Variants in MTUS2 observed in about 807,000 individuals in gnomAD.
The protein encoded by MTUS2 is microtubule-associated tumor suppressor candidate 2.
In MTUS2, 40 loss-of-function variants were observed where a neutral mutation model predicts 114.1. The observed-to-expected ratio is 0.35, with a 90% confidence interval of 0.27 to 0.46. The LOEUF (loss-of-function observed/expected upper bound fraction) is 0.46, where lower values mean the gene tolerates loss of function less well. Ranked by LOEUF, MTUS2 falls within the 20% of genes least tolerant of loss-of-function variation. MTUS2 has a pLI of 1.00. For missense variants in MTUS2, 1,679 were observed against 1,705.4 expected (o/e 0.98, Z 0.27); for synonymous variants, 688 against 672.0 (o/e 1.02, Z -0.37).
intron 5 of MTUS2, among the ~76,000 whole-genome samples, chr13:29,201,499 C>T (rs1894957809): frequency 1.3e-5 from 2 of 152,032 alleles, no homozygotes; most frequent in South Asian, 4.2e-4. Context: ...GGCATTTAGC[C>T]CATTTACATT....
chr13:29,272,563 A>G (rs1025523288), intron 5 of MTUS2, among the ~76,000 whole-genome samples: 1 of 152,188 alleles, frequency 6.6e-6, no homozygotes, highest in Admixed American at 6.5e-5. Flanking sequence ...AGTGCACTGA[A>G]TATGGATCAG....
chr13:29,142,855 G>A (rs1246813055), intron 5 of MTUS2, among the ~76,000 whole-genome samples: 1 of 152,224 alleles, frequency 6.6e-6, no homozygotes, highest in African/African-American at 2.4e-5. Flanking sequence ...CATAAGCCAA[G>A]AGGGCATGTT....
chr13:29,046,081 C>G (rs551734069), intron 4 of MTUS2, among the ~76,000 whole-genome samples: 3 of 151,722 alleles, frequency 2.0e-5, no homozygotes, highest in Non-Finnish European at 4.4e-5. Flanking sequence ...CACTATTCTA[C>G]TACAAAGGCC....
intron 2 of MTUS2, among the ~76,000 whole-genome samples, chr13:29,018,564 C>T (rs541357050): frequency 1.3e-5 from 2 of 152,332 alleles, no homozygotes; most frequent in African/African-American, 4.8e-5. Flanking sequence ...CACCTGTGGT[C>T]AGCCTGGCCA....
intron 5 of MTUS2, among the ~76,000 whole-genome samples, chr13:29,228,650 A>G (rs553292276): frequency 6.6e-6 from 1 of 152,270 alleles, no homozygotes; most frequent in East Asian, 1.9e-4. Context: ...TTTGTAACTA[A>G]TATTAGCATG....
At chr13:29,337,605 AT>A (rs200669729) in intron 7 of MTUS2, among the ~76,000 whole-genome samples, 4,834 of 144,904 alleles carry the variant, frequency 0.033, 271 homozygotes, top group African/African-American at 0.12. Context: ...TTATTTTTCT[AT>A]TTTTTTTTTT....
In MTUS2 at chr13:28,903,924, G is replaced by C. The variant is rs1450520985; in HGVS notation, c.-243+64074G>C. 3.0e-4 allele frequency among the ~76,000 whole-genome samples: 46 copies of C among 152,138 alleles called. 1 individual carries two copies. In the East Asian group the frequency reaches 7.7e-3, roughly 26 times the overall value. On this transcript the variant is annotated intron_variant, in intron 2 of 15. Coordinates refer to ENST00000612955, the MANE Select transcript of MTUS2 (RefSeq NM_001033602.4). ...TTCTCCACATCCTCTCCAACACCTG[G>C]TGTTTCCTGACTTTTTAATGATCAC...
At chr13:29,078,229 G>C (rs1039781644) in intron 4 of MTUS2, among the ~76,000 whole-genome samples, 4 of 152,060 alleles carry the variant, frequency 2.6e-5, no homozygotes, top group African/African-American at 9.7e-5. Flanking sequence ...TTAGCTTCTG[G>C]ATTTATTTAA....
chr13:29,063,841 A>G (rs1031086001), intron 4 of MTUS2, among the ~76,000 whole-genome samples: 3 of 152,246 alleles, frequency 2.0e-5, no homozygotes, highest in Non-Finnish European at 4.4e-5. Flanking sequence ...AGCAAAGCAT[A>G]TGGTAGTTCT....
At chr13:28,894,326 GA>G (rs1179575206) in intron 2 of MTUS2, among the ~76,000 whole-genome samples, 3 of 62,996 alleles carry the variant, frequency 4.8e-5, no homozygotes, top group South Asian at 8.4e-4. Context: ...GGGAGGGAGG[GA>G]GGGAGAGAGA....
intron 2 of MTUS2, among the ~76,000 whole-genome samples, chr13:28,869,962 C>A (rs772635992): frequency 6.6e-6 from 1 of 151,950 alleles, no homozygotes. Context: ...GTATAAAATT[C>A]TTTTATATGC....
intron 7 of MTUS2, among the ~76,000 whole-genome samples, chr13:29,341,768 G>A (rs1166258087): frequency 5.3e-5 from 8 of 151,946 alleles, no homozygotes; most frequent in African/African-American, 1.4e-4. Context: ...GAATTTTTAT[G>A]GTTTCTTTAA....
At chr13:29,097,607 A>G (rs1007943781) in intron 4 of MTUS2, among the ~76,000 whole-genome samples, 17 of 152,226 alleles carry the variant, frequency 1.1e-4, no homozygotes, top group Non-Finnish European at 2.2e-4. Context: ...TAGACAGTGT[A>G]GCGTATAAAA....
Position 29,471,748 on chromosome 13 carries a change from C to G in MTUS2, c.3185-8402C>G, listed in dbSNP as rs531152679. ...CCTCTGCTCTGCAGGCCCAGCCCCC[C>G]CCGACACATTGATCTTAGGTCACTT... On this transcript the variant is annotated intron_variant, in intron 9 of 15. Coordinates refer to ENST00000612955, the MANE Select transcript of MTUS2 (RefSeq NM_001033602.4). Among the ~76,000 whole-genome samples, 18 of 150,206 alleles carry G rather than the reference C, an allele frequency of 1.2e-4. No homozygotes were observed. In the South Asian group the frequency reaches 1.3e-3, roughly 11 times the overall value.
chr13:29,009,982 C>T (rs866468145), intron 2 of MTUS2, among the ~76,000 whole-genome samples: 7 of 152,082 alleles, frequency 4.6e-5, no homozygotes, highest in Middle Eastern at 3.4e-3. Context: ...GAGGCTGAGG[C>T]GGACAGATCA....
chr13:28,873,089 TATC>T (rs1356992274), intron 2 of MTUS2, among the ~76,000 whole-genome samples: 3 of 152,194 alleles, frequency 2.0e-5, no homozygotes, highest in Middle Eastern at 3.4e-3. Flanking sequence ...CCAATGAAAA[TATC>T]ATTCAAGGAT....
At chr13:28,974,040 C>T (rs906033440) in intron 2 of MTUS2, among the ~76,000 whole-genome samples, 6 of 151,872 alleles carry the variant, frequency 4.0e-5, no homozygotes, top group South Asian at 2.1e-4. Flanking sequence ...CTCCTTCAGA[C>T]GTATATTCTC....
At chr13:29,439,959 C>T (rs1181595659) in intron 8 of MTUS2, 24 bp from the exon 9 acceptor site, 7 of 1,557,046 alleles carry the variant, frequency 4.5e-6, no homozygotes, top group Non-Finnish European at 2.6e-6. Context: ...AGGGGACTCT[C>T]GGTATCCGTT....
intron 5 of MTUS2, among the ~76,000 whole-genome samples, chr13:29,134,126 T>A (rs1891876509): frequency 1.3e-5 from 2 of 152,346 alleles, no homozygotes; most frequent in South Asian, 4.1e-4. Flanking sequence ...ATTTCCCTTG[T>A]GATTTCTTTT....
Sources: allele counts gnomAD v4.1 joint callset (sites outside exome capture counted in the v4.1 genomes callset), GRCh38; gene constraint gnomAD v4.1.1; transcripts MANE v1.5; gene names NCBI Gene and HGNC (gene_info 2026-07-23, HGNC 2026-07-21).